Variants in ZNF596 observed in about 807,000 individuals in gnomAD.
The protein encoded by ZNF596 is zinc finger protein 596.
Under a neutral mutation model 48.3 loss-of-function variants are expected in ZNF596, and 45 were observed. The ratio of observed to expected loss-of-function variants is 0.93; its 90% CI spans 0.73 to 1.19. The LOEUF is 1.19. Among genes scored for constraint, ZNF596 ranks in the 50% most tolerant of loss-of-function variants. ZNF596 has a pLI of 0.00. For synonymous variants in ZNF596, 270 were observed against 202.0 expected, an observed-to-expected ratio of 1.34 and a Z score of -2.85; for missense variants, 848 against 599.7, an observed-to-expected ratio of 1.41 and a Z score of -4.32.
At chr8:244,368 T>C (rs902071355) in intron 4 of ZNF596, 3 of 493,308 alleles carry the variant, frequency 6.1e-6, no homozygotes, top group African/African-American at 5.9e-5. Context: ...AACTATTACA[T>C]ACTAGCCCTT....
Position 243,924 on chromosome 8 carries a change from G to C in ZNF596, c.223+119G>C, listed in dbSNP as rs1194099207. 4 of 796,464 alleles carry C rather than the reference G, an allele frequency of 5.0e-6. No individual in the cohort carries two copies. In the African/African-American group the frequency reaches 6.9e-5, roughly 14 times the overall value. 49.3% of individuals were successfully genotyped at this position (796,464 alleles called of 1,614,324 possible). Reference sequence around the variant, plus strand: ...GTTTTTTTAGACAGAATCTCACTCTGTCACCCAGGCTGGAGTGCAGTGGCG... The same window carrying C: ...GTTTTTTTAGACAGAATCTCACTCTCTCACCCAGGCTGGAGTGCAGTGGCG... On this transcript the variant is annotated intron_variant, in intron 4 of 5. Coordinates refer to ENST00000398612, the MANE Select transcript of ZNF596 (RefSeq NM_001042416.3).
rs1244799001 is a variant in ZNF596 at position 245,899 on chromosome 8, G to C, written c.1052G>C (p.Arg351Thr). The C allele has an allele frequency of 2.5e-6, 4 of 1,614,026 alleles. No individual in the cohort carries two copies. The East Asian group carries it at 8.9e-5, about 36-fold the overall frequency. Residue 351 changes from arginine to threonine, a missense_variant, in exon 6 of 6, where the codon AGA (arginine) becomes ACA (threonine). Coordinates refer to ENST00000398612, the MANE Select transcript of ZNF596 (RefSeq NM_001042416.3). Reference sequence around the variant, plus strand: ...GCCTTCTCTCATTGTTCTCACCTTAGACAACATGAGCGAAGTCACAATGGA... The same window carrying C: ...GCCTTCTCTCATTGTTCTCACCTTACACAACATGAGCGAAGTCACAATGGA... ...GKAFSHCSHL[R>T]QHERSHNGEK... is the part of the protein sequence containing the mutation.
In ZNF596 at chr8:245,349, G is replaced by A. The variant is rs751382057; in HGVS notation, c.502G>A (p.Gly168Arg). The change falls in exon 6 of 6, where the codon GGA becomes AGA. Residue 168 changes from glycine (G) to arginine (R), a missense_variant. Physicochemically the swap from Gly to Arg is moderately radical, Grantham distance 125 (BLOSUM62 -2). Transcript: ENST00000398612. ...KEIHTKCKSY[G>R]SHLFDYAFIQ... is the part of the protein sequence containing the mutation. Reference sequence around the variant, plus strand: ...AATTCACACCAAATGTAAATCATATGGAAGTCATCTATTTGATTATGCCTT... The same window carrying A: ...AATTCACACCAAATGTAAATCATATAGAAGTCATCTATTTGATTATGCCTT... 1.2e-6 allele frequency: 2 copies of A among 1,614,088 alleles called. No homozygotes were observed. The highest frequency in any genetic ancestry group is 2.2e-5 in the South Asian group (2 of 91,080).
intron 1 of ZNF596, among the ~76,000 whole-genome samples, chr8:238,611 G>T (rs1796715072): frequency 8.3e-6 from 1 of 119,944 alleles, no homozygotes; most frequent in Non-Finnish European, 1.6e-5. Context: ...AATCAGCTTT[G>T]CCAACATGGT....
Position 246,557 on chromosome 8 carries a change from A to G in ZNF596, c.*195A>G, listed in dbSNP as rs1386441079. 3.5e-6 allele frequency: 2 copies of G among 563,438 alleles called. No homozygotes were observed. Among genetic ancestry groups the G allele is most frequent in the Admixed American group, 3.7e-5 (1 of 26,860 alleles). The allele number at this position is 563,438 out of a possible 1,614,324, so 34.9% of individuals were successfully genotyped here. Reference sequence around the variant, plus strand: ...ACTTCAGACTCTAGGCTGACCATATACAACGTGAGAGAATGAAACTATAGA... The same window carrying G: ...ACTTCAGACTCTAGGCTGACCATATGCAACGTGAGAGAATGAAACTATAGA... On this transcript the variant is annotated 3_prime_UTR_variant, in exon 6 of 6. Coordinates refer to ENST00000398612, the MANE Select transcript of ZNF596 (RefSeq NM_001042416.3).
rs1395849811 is a variant in ZNF596 at position 245,923 on chromosome 8, G to A, written c.1076G>A (p.Gly359Glu). The A allele has an allele frequency of 5.0e-6, 8 of 1,614,028 alleles. No individual in the cohort carries two copies. The highest frequency in any genetic ancestry group is 6.8e-6 in the Non-Finnish European group (8 of 1,180,012). Residue 359 changes from glycine to glutamate, a missense_variant, in exon 6 of 6, where the codon GGA becomes GAA. Physicochemically the swap from Gly to Glu is moderately conservative, Grantham distance 98. Transcript: ENST00000398612. ...AGACAACATGAGCGAAGTCACAATG[G>A]AGAGAAACCACATGGATGTCATCTA... ...HLRQHERSHN[G>E]EKPHGCHLCG...
chr8:234,905 T>G (rs985812061), intron 1 of ZNF596: 5 of 152,154 alleles, frequency 3.3e-5, no homozygotes, highest in Non-Finnish European at 5.9e-5. Flanking sequence ...TTGTTGACCA[T>G]GATTAGAGAA....
chr8:245,262 T>A lies in ZNF596; in HGVS notation c.415T>A (p.Phe139Ile). 1 of 1,614,066 alleles carries A rather than the reference T, an allele frequency of 6.2e-7. No homozygotes were observed. Among genetic ancestry groups the A allele is most frequent in the Middle Eastern group, 1.6e-4 (1 of 6,062 alleles). ...NVITYMRTKH[F>I]VSKKFGKIFS... ...GATTACCTACATGAGAACGAAACAC[T>A]TTGTAAGCAAAAAGTTTGGGAAAAT... Residue 139 changes from phenylalanine to isoleucine, a missense_variant, in exon 6 of 6, where the codon TTT (phenylalanine) becomes ATT (isoleucine). Physicochemically the swap from Phe to Ile is conservative, Grantham distance 21 (BLOSUM62 0). Coordinates refer to ENST00000398612, the MANE Select transcript of ZNF596 (RefSeq NM_001042416.3).
At chr8:243,207 G>A (rs1316563603) in intron 3 of ZNF596, 194 bp downstream of exon 3, 3 of 424,700 alleles carry the variant, frequency 7.1e-6, no homozygotes, top group Non-Finnish European at 1.2e-5. Flanking sequence ...ATATTGATTT[G>A]TCCTCTCTCT....
chr8:234,163 G>T (rs931188102), intron 1 of ZNF596, among the ~76,000 whole-genome samples: 2 of 152,212 alleles, frequency 1.3e-5, no homozygotes, highest in African/African-American at 4.8e-5. Context: ...AGGAACCAGA[G>T]AAAGAAAAAG....
At position 242,703 on chromosome 8, in the gene ZNF596, A is replaced by G. The variant is rs868402293; in HGVS notation, c.13-184A>G. ...TATTTCTCTATGTGAAGTTTTATGT[A>G]TGAGTAAATCTGAAAGCCAGATTCC... On this transcript the variant is annotated intron_variant, in intron 2 of 5. Transcript: ENST00000398612. 3.9e-5 allele frequency among the ~76,000 whole-genome samples: 6 copies of G among 152,340 alleles called. 1 individual carries two copies. In the Middle Eastern group the frequency reaches 0.017, roughly 432 times the overall value.
chr8:244,830 T>A, intron 5 of ZNF596, 129 bp downstream of exon 5: 1 of 774,426 alleles, frequency 1.3e-6, no homozygotes, highest in Non-Finnish European at 2.1e-6. Context: ...TTGGATTTAG[T>A]GAAGACGTTA....
At chr8:239,786 ATTG>A (rs1796774712) in intron 1 of ZNF596, among the ~76,000 whole-genome samples, 1 of 152,070 alleles carries the variant, frequency 6.6e-6, no homozygotes, top group Admixed American at 6.5e-5. Context: ...AGTAGGCATA[ATTG>A]TTATTAACTC....
intron 1 of ZNF596, chr8:237,333 T>TTC (rs1260876850): frequency 6.6e-6 from 1 of 152,138 alleles, no homozygotes; most frequent in African/African-American, 2.4e-5. Flanking sequence ...TTTATCTTTT[T>TTC]AAGTCTTATT....
intron 1 of ZNF596, among the ~76,000 whole-genome samples, chr8:238,878 G>C (rs545386778): frequency 3.1e-4 from 45 of 142,998 alleles, no homozygotes; most frequent in African/African-American, 1.2e-3. Flanking sequence ...CTTAAAGGAG[G>C]TCAATGAGCT....
chr8:244,914 T>G (rs926034596), intron 5 of ZNF596, among the ~76,000 whole-genome samples: 2 of 152,216 alleles, frequency 1.3e-5, no homozygotes, highest in Admixed American at 6.5e-5. Context: ...GCTGAAACTT[T>G]CAAACATGAT....
In ZNF596 at chr8:243,704, T is replaced by C; in HGVS notation, c.140-18T>C. The C allele has an allele frequency of 6.2e-7, 1 of 1,612,470 alleles. No homozygotes were observed. Among genetic ancestry groups the C allele is most frequent in the Non-Finnish European group, 8.5e-7 (1 of 1,178,802 alleles). The stretch of plus-strand genomic sequence containing the variant: ...CAGCACAGAACTCAAAATCCATGTA[T>C]CTTTTTCCCCAAAACAGGCAAACAG... On this transcript the variant is annotated intron_variant, in intron 3 of 5. Transcript: ENST00000398612.
Position 245,526 on chromosome 8 carries a change from CTA to C in ZNF596, c.681_682del (p.Cys228TrpfsTer9). The C allele has an allele frequency of 6.2e-7, 1 of 1,614,062 alleles. No individual in the cohort carries two copies. The highest frequency in any genetic ancestry group is 8.5e-7 in the Non-Finnish European group (1 of 1,179,982). On this transcript the variant is annotated frameshift_variant, in exon 6 of 6. Transcript: ENST00000398612. LOFTEE classifies it high-confidence loss of function. The part of the protein sequence containing the change: ...HTGEKPHGCH[L>X]CGKAFTHCSD... ...TGGAGAGAAACCACACGGATGTCAT[CTA>C]TGTGGGAAAGCCTTTACTCATTGCT...
intron 3 of ZNF596, 147 bp from the exon 4 acceptor site, chr8:243,575 G>T: frequency 1.6e-6 from 1 of 631,324 alleles, no homozygotes; most frequent in South Asian, 2.2e-5. Context: ...GCTCGTGAAG[G>T]ACTGTCAATG....
Sources: allele counts gnomAD v4.1 joint callset (sites outside exome capture counted in the v4.1 genomes callset), GRCh38; gene constraint gnomAD v4.1.1; transcripts MANE v1.5; gene names NCBI Gene and HGNC (gene_info 2026-07-23, HGNC 2026-07-21).